The following CSMD3 variants were observed in gnomAD, a reference collection of about 807,000 sequenced individuals.
The protein encoded by CSMD3 is CUB and sushi domain-containing protein 3.
Under a neutral mutation model 435.2 loss-of-function variants are expected in CSMD3, and 177 were observed. The observed-to-expected ratio is 0.41, with a 90% confidence interval of 0.36 to 0.46. The LOEUF (loss-of-function observed/expected upper bound fraction) is 0.46. CSMD3 is among the 20% of genes least tolerant of loss of function. CSMD3 has a pLI of 0.34. For synonymous variants in CSMD3, 1,656 were observed against 1,520.5 expected, an observed-to-expected ratio of 1.09 and a Z score of -2.07; for missense variants, 4,265 against 4,504.6, an observed-to-expected ratio of 0.95 and a Z score of 1.52.
intron 10 of CSMD3, among the ~76,000 whole-genome samples, chr8:112,919,059 T>C (rs917596535): frequency 6.6e-6 from 1 of 151,922 alleles, no homozygotes; most frequent in African/African-American, 2.4e-5. Context: ...AGCAACAAAA[T>C]GGACTTTGTA....
At chr8:113,269,936 T>C (rs1287150911) in intron 3 of CSMD3, among the ~76,000 whole-genome samples, 2 of 151,384 alleles carry the variant, frequency 1.3e-5, no homozygotes, top group Non-Finnish European at 2.9e-5. Flanking sequence ...CCAAAAGCAA[T>C]GGCAACAAAA....
intron 61 of CSMD3, among the ~76,000 whole-genome samples, chr8:112,257,367 T>C (rs1815909496): frequency 6.6e-6 from 1 of 152,188 alleles, no homozygotes. Flanking sequence ...GATGTGATTG[T>C]ATATTTAGAA....
At chr8:113,113,929 C>A (rs1042097428) in intron 4 of CSMD3, among the ~76,000 whole-genome samples, 2 of 152,080 alleles carry the variant, frequency 1.3e-5, no homozygotes, top group African/African-American at 2.4e-5. Context: ...GAGTATTGAG[C>A]CGACTGACAT....
intron 13 of CSMD3, among the ~76,000 whole-genome samples, chr8:112,719,944 T>G (rs2076820727): frequency 6.6e-6 from 1 of 152,180 alleles, no homozygotes; most frequent in Non-Finnish European, 1.5e-5. Flanking sequence ...TTAGATGTAG[T>G]CAATTAGGTA....
At chr8:113,220,349 T>C (rs1372725480) in intron 3 of CSMD3, among the ~76,000 whole-genome samples, 3 of 151,414 alleles carry the variant, frequency 2.0e-5, no homozygotes, top group Non-Finnish European at 4.4e-5. Flanking sequence ...GATCCTGGAA[T>C]GTCTTGTTAT....
At chr8:112,770,540 C>T (rs886399295) in intron 13 of CSMD3, among the ~76,000 whole-genome samples, 8 of 151,906 alleles carry the variant, frequency 5.3e-5, no homozygotes, top group South Asian at 2.1e-4. Context: ...CAGTACAGAA[C>T]GGACTAAGAC....
chr8:113,399,164 A>G (rs1410850580), intron 1 of CSMD3, among the ~76,000 whole-genome samples: 2 of 148,448 alleles, frequency 1.3e-5, no homozygotes, highest in Non-Finnish European at 3.0e-5. Flanking sequence ...TTTCATATAT[A>G]TATATACCTA....
chr8:112,737,651 T>C (rs1006120793), intron 13 of CSMD3, among the ~76,000 whole-genome samples: 8 of 151,844 alleles, frequency 5.3e-5, no homozygotes, highest in Non-Finnish European at 1.0e-4. Flanking sequence ...ATAAATCATA[T>C]TGTCACCTTA....
intron 13 of CSMD3, among the ~76,000 whole-genome samples, chr8:112,714,561 T>C (rs989483626): frequency 3.3e-5 from 5 of 152,200 alleles, no homozygotes; most frequent in African/African-American, 2.4e-5. Flanking sequence ...AAAGCAGCTC[T>C]GGATCAGGTG....
intron 2 of CSMD3, among the ~76,000 whole-genome samples, chr8:113,283,915 G>A (rs183106838): frequency 6.6e-6 from 1 of 152,184 alleles, no homozygotes; most frequent in East Asian, 1.9e-4. Flanking sequence ...CCATAAAAAG[G>A]AATGAATTAA....
chr8:113,270,625 C>G (rs1037804257), intron 3 of CSMD3, among the ~76,000 whole-genome samples: 1 of 152,054 alleles, frequency 6.6e-6, no homozygotes, highest in Non-Finnish European at 1.5e-5. Flanking sequence ...CACATATACA[C>G]CATGGAATAC....
At chr8:113,322,627 C>T (rs2093956796) in intron 1 of CSMD3, among the ~76,000 whole-genome samples, 1 of 152,102 alleles carries the variant, frequency 6.6e-6, no homozygotes, top group Non-Finnish European at 1.5e-5. Context: ...ACAAAATAAA[C>T]TGCTAAAATT....
At chr8:112,948,026 T>C (rs1470474806) in intron 8 of CSMD3, 149 bp from the exon 9 acceptor site, 1 of 551,830 alleles carries the variant, frequency 1.8e-6, no homozygotes, top group African/African-American at 1.9e-5. Context: ...TATAATTTTA[T>C]AAAACAATAA....
intron 54 of CSMD3, among the ~76,000 whole-genome samples, chr8:112,293,381 G>A (rs1448902803): frequency 6.6e-6 from 1 of 151,994 alleles, no homozygotes; most frequent in Non-Finnish European, 1.5e-5. Context: ...GCAGTTTTTT[G>A]CATTTAATTT....
intron 41 of CSMD3, among the ~76,000 whole-genome samples, chr8:112,345,744 A>G (rs56403239): frequency 0.43 from 65,749 of 151,882 alleles, 14,825 homozygotes; most frequent in Middle Eastern, 0.54. Flanking sequence ...AATATTAGAG[A>G]TAATATATTA....
At chr8:112,678,723 T>C (rs2075820861) in intron 16 of CSMD3, among the ~76,000 whole-genome samples, 1 of 150,406 alleles carries the variant, frequency 6.6e-6, no homozygotes, top group Non-Finnish European at 1.5e-5. Context: ...TATATATAAC[T>C]TTTAACAATG....
rs1385115888 is a variant in CSMD3 at position 112,492,498 on chromosome 8, T to C, written c.5269A>G (p.Ser1757Gly). The C allele has an allele frequency of 4.3e-6, 7 of 1,613,354 alleles. No homozygotes were observed. The Admixed American group carries it at 8.3e-5, about 19-fold the overall frequency. Residue 1757 changes from serine to glycine, a missense_variant, in exon 31 of 71, where the codon AGT becomes GGT. By Grantham distance (56) the Ser-to-Gly change is moderately conservative (BLOSUM62 0). Around this residue, in one of 3 missense-constraint regions of CSMD3, gnomAD observed 3,255 missense variants for 3,380.2 expected, o/e 0.96. Transcript: ENST00000297405. Reference sequence around the variant, plus strand: ...AAAATATGTTCCTTACCATGACAACTTGGCAAGGCTCTATTCCATCCAGGT... The same window carrying C: ...AAAATATGTTCCTTACCATGACAACCTGGCAAGGCTCTATTCCATCCAGGT... The part of the protein sequence containing the change: ...GRPGWNRALP[S>G]CHAPCGSRST...
chr8:112,471,444 C>T (rs917133872), intron 32 of CSMD3, among the ~76,000 whole-genome samples: 2 of 152,064 alleles, frequency 1.3e-5, no homozygotes, highest in African/African-American at 2.4e-5. Context: ...TTGATTCAAC[C>T]GATCAATATG....
chr8:113,330,514 T>C (rs915348419), intron 1 of CSMD3, among the ~76,000 whole-genome samples: 3 of 151,888 alleles, frequency 2.0e-5, no homozygotes, highest in Admixed American at 2.0e-4. Context: ...ATAACAGGTA[T>C]TGCTAGATGG....
Sources: gnomAD v4.1 joint callset for allele counts (sites outside exome capture counted in the v4.1 genomes callset) on GRCh38, gnomAD v4.1.1 for gene constraint, gnomAD v4.1.1 regional missense constraint, MANE v1.5 for transcripts, NCBI Gene and HGNC (gene_info 2026-07-23, HGNC 2026-07-21) for gene names.